Variants in SLC12A6 observed in about 807,000 individuals in gnomAD.
SLC12A6 encodes K-Cl cotransporter 3.
SLC12A6 carries 66 observed loss-of-function variants against 135.3 expected under a neutral mutation model. The ratio of observed to expected loss-of-function variants is 0.49; its 90% CI spans 0.40 to 0.60. The LOEUF is 0.60. Ranked by LOEUF, SLC12A6 falls within the 20% of genes least tolerant of loss-of-function variation. The pLI is 0.00. For synonymous variants in SLC12A6, 513 were observed against 508.8 expected, an observed-to-expected ratio of 1.01 and a Z score of -0.11; for missense variants, 1,058 against 1,452.3, an observed-to-expected ratio of 0.73 and a Z score of 4.41.
intron 3 of SLC12A6, among the ~76,000 whole-genome samples, chr15:34,265,389 C>G (rs1477792375): frequency 1.5e-5 from 2 of 129,878 alleles, no homozygotes; most frequent in African/African-American, 3.3e-5. Flanking sequence ...TAAGTAAAAA[C>G]AACAACAGCA....
intron 2 of SLC12A6, among the ~76,000 whole-genome samples, chr15:34,290,686 T>C (rs562817772): frequency 6.6e-6 from 1 of 152,348 alleles, no homozygotes; most frequent in East Asian, 1.9e-4. Context: ...ACATTTAGGA[T>C]AGTTAGCTCT....
rs1555384169 is a variant in SLC12A6, at chr15:34,275,362, TC to T, written c.298del (p.Glu100AsnfsTer6). 6.5e-7 allele frequency: 1 copy of T among 1,546,272 alleles called. No individual in the cohort carries two copies. Among genetic ancestry groups the T allele is most frequent in the Non-Finnish European group, 8.9e-7 (1 of 1,119,106 alleles). On this transcript the variant is annotated frameshift_variant, in exon 3 of 26. Coordinates refer to ENST00000354181, the MANE Select transcript of SLC12A6 (RefSeq NM_001365088.1). LOFTEE classifies it high-confidence loss of function. The stretch of plus-strand genomic sequence containing the variant: ...TACTATACCTAACAGTTGGCTGTGT[TC>T]CCCTGTGATGGAGTTCTGACTCAGG... Reference protein sequence around the residue: ...EDLSQNSITGEHSQLLDDGHK... With the variant: ...EDLSQNSITGXHSQLLDDGHK...
At chr15:34,239,928 G>A (rs1026756130) in intron 19 of SLC12A6, among the ~76,000 whole-genome samples, 1 of 151,844 alleles carries the variant, frequency 6.6e-6, no homozygotes, top group African/African-American at 2.4e-5. Context: ...GATTTCAAAG[G>A]ATTCCAAAAT....
intron 2 of SLC12A6, among the ~76,000 whole-genome samples, chr15:34,308,650 A>C (rs942548738): frequency 1.8e-4 from 26 of 141,990 alleles, no homozygotes; most frequent in African/African-American, 7.2e-4. Context: ...AAAAAAAAAA[A>C]AACAAACCAG....
At chr15:34,287,771 G>A (rs1318353000) in intron 2 of SLC12A6, among the ~76,000 whole-genome samples, 1 of 152,178 alleles carries the variant, frequency 6.6e-6, no homozygotes, top group Non-Finnish European at 1.5e-5. Context: ...CTGCATAAAT[G>A]TCTTCTTTTG....
At chr15:34,244,274 A>T (rs1468164854) in intron 15 of SLC12A6, among the ~76,000 whole-genome samples, 1 of 152,176 alleles carries the variant, frequency 6.6e-6, no homozygotes, top group Admixed American at 6.5e-5. Context: ...ACCACTCTTT[A>T]CCCAGTTGTT....
intron 2 of SLC12A6, among the ~76,000 whole-genome samples, chr15:34,319,003 T>C (rs1042480428): frequency 6.6e-6 from 1 of 152,208 alleles, no homozygotes; most frequent in African/African-American, 2.4e-5. Flanking sequence ...TGGACAGAAT[T>C]CACAGTGAAC....
chr15:34,331,384 G>T (rs868583710), intron 2 of SLC12A6, among the ~76,000 whole-genome samples: 2 of 152,090 alleles, frequency 1.3e-5, no homozygotes, highest in Non-Finnish European at 2.9e-5. Context: ...CAAGTGATCC[G>T]CCCGCCTTGG....
At chr15:34,237,014 C>A (rs1043816827) in intron 22 of SLC12A6, 199 bp from the exon 23 acceptor site, 9 of 594,684 alleles carry the variant, frequency 1.5e-5, no homozygotes, top group African/African-American at 1.5e-4. Context: ...CCCTGAGAGT[C>A]TTTTCCATAA....
At chr15:34,258,478 T>C (rs144352524) in intron 5 of SLC12A6, among the ~76,000 whole-genome samples, 307 of 152,336 alleles carry the variant, frequency 2.0e-3, no homozygotes, top group African/African-American at 7.1e-3. Context: ...AGGCTTTCCC[T>C]GTCCAACCTA....
rs750692808 is a variant in SLC12A6 at position 34,258,851 on chromosome 15, C to A, written c.505G>T (p.Ala169Ser). The A allele has an allele frequency of 3.1e-6, 5 of 1,613,570 alleles. No individual in the cohort carries two copies. The South Asian group carries it at 5.5e-5, about 18-fold the overall frequency. Residue 169 changes from alanine (A) to serine (S), a missense_variant, in exon 5 of 26, where the codon GCA becomes TCA. Around this residue, in one of 6 missense-constraint regions of SLC12A6, gnomAD observed 139 missense variants for 202.2 expected, o/e 0.69. Transcript: ENST00000354181. ...LTQGAKEHEE[A>S]ENITEGKKKP... ...TTTTTCCCTTCAGTGATGTTTTCTG[C>A]CTCTTCATGTTCCTTTGCTCCTTGA...
At chr15:34,329,984 C>T (rs1172797174) in intron 2 of SLC12A6, among the ~76,000 whole-genome samples, 1 of 152,100 alleles carries the variant, frequency 6.6e-6, no homozygotes, top group African/African-American at 2.4e-5. Flanking sequence ...GTAAATACTT[C>T]AATATATATC....
rs182928090 is a variant in SLC12A6 at position 34,298,349 on chromosome 15, T to A, written c.272-22960A>T. Among the ~76,000 whole-genome samples the A allele has an allele frequency of 1.3e-4, 20 of 151,998 alleles. No homozygotes were observed. In the East Asian group the frequency reaches 3.9e-3, roughly 29 times the overall value. On this transcript the variant is annotated intron_variant, in intron 2 of 25. Coordinates refer to ENST00000354181, the MANE Select transcript of SLC12A6 (RefSeq NM_001365088.1). ...AATTAGCTAGGCATGGTGGTGGGCA[T>A]CTGCAATCCTGGCTACTCGGGAGGC...
chr15:34,244,163 G>A lies in SLC12A6; in HGVS notation c.1944-91C>T. On this transcript the variant is annotated intron_variant, in intron 15 of 25. Transcript: ENST00000354181. The stretch of plus-strand genomic sequence containing the variant: ...GAATACCTTTGCTGTATTGAAGCCT[G>A]TTTCTAGACAACTAACCCTTGATTA... 3.7e-6 allele frequency: 3 copies of A among 810,366 alleles called. No homozygotes were observed. The East Asian group carries it at 7.5e-5, about 20-fold the overall frequency. 50.2% of individuals were successfully genotyped at this position (810,366 alleles called of 1,614,324 possible).
At chr15:34,267,709 G>C in intron 3 of SLC12A6, among the ~76,000 whole-genome samples, 1 of 152,184 alleles carries the variant, frequency 6.6e-6, no homozygotes, top group East Asian at 1.9e-4. Flanking sequence ...ACACTTATTT[G>C]TGTTTTCTGG....
chr15:34,261,810 A>G (rs1462133739), intron 3 of SLC12A6, among the ~76,000 whole-genome samples: 2 of 152,198 alleles, frequency 1.3e-5, no homozygotes, highest in Non-Finnish European at 2.9e-5. Flanking sequence ...AGTGATGAGC[A>G]TTTCACACCA....
At chr15:34,306,672 TC>T (rs35372801) in intron 2 of SLC12A6, among the ~76,000 whole-genome samples, 8,134 of 152,212 alleles carry the variant, frequency 0.053, 701 homozygotes, top group African/African-American at 0.18. Flanking sequence ...CTCTGAAAAG[TC>T]AGTCCTGTTT....
intron 2 of SLC12A6, among the ~76,000 whole-genome samples, chr15:34,325,060 T>C (rs1333091957): frequency 1.3e-5 from 2 of 152,150 alleles, no homozygotes; most frequent in Non-Finnish European, 2.9e-5. Context: ...TCCTCACAAA[T>C]AATAAACAGC....
At chr15:34,248,347 AT>A (rs773666446) in intron 13 of SLC12A6, among the ~76,000 whole-genome samples, 2 of 152,306 alleles carry the variant, frequency 1.3e-5, no homozygotes, top group Admixed American at 1.3e-4. Context: ...ATGTGCAAGC[AT>A]TTCTGTTAGA....
Sources: allele counts gnomAD v4.1 joint callset (sites outside exome capture counted in the v4.1 genomes callset), GRCh38; gene constraint gnomAD v4.1.1; regional missense constraint gnomAD v4.1.1; transcripts MANE v1.5; gene names NCBI Gene and HGNC (gene_info 2026-07-23, HGNC 2026-07-21).